Variants in RBMS3 observed in about 807,000 individuals in gnomAD.
RBMS3 encodes the protein RNA binding motif single stranded interacting protein 3.
Under a neutral mutation model 66.8 loss-of-function variants are expected in RBMS3, and 27 were observed. That is an observed-to-expected ratio of 0.40 (90% CI 0.30 to 0.56). The LOEUF is 0.56. Ranked by LOEUF, RBMS3 falls within the 20% of genes least tolerant of loss-of-function variation. The probability of loss-of-function intolerance (pLI) is 0.40; values close to 1 mark genes in which losing one functional copy is unlikely to be tolerated. For synonymous variants in RBMS3, 188 were observed against 183.0 expected, an observed-to-expected ratio of 1.03 and a Z score of -0.22; for missense variants, 513 against 549.5, an observed-to-expected ratio of 0.93 and a Z score of 0.66.
chr3:29,536,227 G>A (rs182334293), intron 3 of RBMS3, among the ~76,000 whole-genome samples: 6 of 152,272 alleles, frequency 3.9e-5, no homozygotes, highest in African/African-American at 1.4e-4. Flanking sequence ...TACAGTAGGA[G>A]CCAAACAGTC....
At chr3:29,807,794 G>A (rs576408464) in intron 6 of RBMS3, among the ~76,000 whole-genome samples, 2 of 124,546 alleles carry the variant, frequency 1.6e-5, no homozygotes, top group South Asian at 4.4e-4. Flanking sequence ...GTGAAGGGGT[G>A]TGTGTGTGTG....
intron 6 of RBMS3, among the ~76,000 whole-genome samples, chr3:29,778,540 A>T (rs1212951311): frequency 6.6e-6 from 1 of 151,802 alleles, no homozygotes; most frequent in African/African-American, 2.4e-5. Context: ...GGGAAAAAGA[A>T]ACTGTTCCAT....
intron 1 of RBMS3, among the ~76,000 whole-genome samples, chr3:29,345,297 T>C (rs1320166482): frequency 6.6e-6 from 1 of 152,224 alleles, no homozygotes; most frequent in Non-Finnish European, 1.5e-5. Context: ...AGACTAAGAA[T>C]GAATAAATTG....
At chr3:29,811,667 A>G (rs1236445798) in intron 6 of RBMS3, among the ~76,000 whole-genome samples, 1 of 152,110 alleles carries the variant, frequency 6.6e-6, no homozygotes, top group Admixed American at 6.5e-5. Flanking sequence ...TAAATTATAC[A>G]TTGCTCAGAT....
intron 6 of RBMS3, among the ~76,000 whole-genome samples, chr3:29,787,932 T>A (rs1239755804): frequency 6.6e-6 from 1 of 152,212 alleles, no homozygotes; most frequent in Non-Finnish European, 1.5e-5. Context: ...TCTTCTAATG[T>A]ACATTTGATT....
At chr3:29,850,918 A>G (rs2058918688) in intron 6 of RBMS3, among the ~76,000 whole-genome samples, 4 of 151,966 alleles carry the variant, frequency 2.6e-5, no homozygotes, top group Admixed American at 2.6e-4. Context: ...CCCCTTTTTC[A>G]TTCATTGCCA....
At position 29,647,921 on chromosome 3, in the gene RBMS3, G is replaced by T. The variant is rs555072779; in HGVS notation, c.399+60716G>T. Among the ~76,000 whole-genome samples the T allele has an allele frequency of 5.9e-4, 90 of 152,178 alleles. No individual in the cohort carries two copies. In the East Asian group the frequency reaches 7.0e-3, roughly 12 times the overall value. On this transcript the variant is annotated intron_variant, in intron 4 of 14. Coordinates refer to ENST00000383767, the MANE Select transcript of RBMS3 (RefSeq NM_001003793.3). ...CATAAGAATGGTTAAGATCTACTGG[G>T]TCTACTGAATGAAAAATCATACAGA...
intron 3 of RBMS3, among the ~76,000 whole-genome samples, chr3:29,549,548 C>A (rs1275529911): frequency 6.6e-6 from 1 of 151,858 alleles, no homozygotes; most frequent in Non-Finnish European, 1.5e-5. Context: ...TATAGGCGCC[C>A]ACCACCATGT....
intron 1 of RBMS3, among the ~76,000 whole-genome samples, chr3:29,420,392 G>C (rs2040661923): frequency 6.6e-6 from 1 of 152,100 alleles, no homozygotes. Flanking sequence ...CATTTAGGAT[G>C]CTGGGCAGTT....
chr3:29,881,084 T>C (rs1307950962), intron 7 of RBMS3, among the ~76,000 whole-genome samples: 1 of 152,054 alleles, frequency 6.6e-6, no homozygotes, highest in African/African-American at 2.4e-5. Flanking sequence ...TATTTCCCAC[T>C]CTCCCCTTTA....
intron 4 of RBMS3, among the ~76,000 whole-genome samples, chr3:29,606,172 G>A (rs1576346387): frequency 6.6e-6 from 1 of 151,740 alleles, no homozygotes; most frequent in Non-Finnish European, 1.5e-5. Context: ...AATAGGGGAT[G>A]GCTGTCTTTT....
At chr3:29,853,086 C>T (rs148887183) in intron 6 of RBMS3, among the ~76,000 whole-genome samples, 1 of 152,254 alleles carries the variant, frequency 6.6e-6, no homozygotes, top group African/African-American at 2.4e-5. Flanking sequence ...CATGTTCTCA[C>T]TTATAAGTGG....
At position 29,936,154 on chromosome 3, in the gene RBMS3, G is replaced by A. The variant is rs1182322086; in HGVS notation, c.1008G>A (p.Leu336=). The A allele has an allele frequency of 2.5e-6, 4 of 1,613,176 alleles. No individual in the cohort carries two copies. The highest frequency in any genetic ancestry group is 1.1e-5 in the South Asian group (1 of 91,012). Residue 336 remains leucine, a synonymous_variant, in exon 11 of 15, where the codon CTG becomes CTA. Coordinates refer to ENST00000383767, the MANE Select transcript of RBMS3 (RefSeq NM_001003793.3). ...AGCCAGCCAACATGATGGGCCCACT[G>A]ACACAGCAGATGAATCACCTTTCGT... is the stretch of plus-strand genomic sequence containing the variant. ...SMQPANMMGP[L]TQQMNHLSLG... is the part of the protein sequence containing the mutation.
At chr3:29,932,661 C>A (rs2061159507) in intron 10 of RBMS3, among the ~76,000 whole-genome samples, 1 of 152,142 alleles carries the variant, frequency 6.6e-6, no homozygotes, top group Non-Finnish European at 1.5e-5. Context: ...GGTAGAGAAG[C>A]CACACATGCT....
intron 6 of RBMS3, among the ~76,000 whole-genome samples, chr3:29,842,650 TG>T (rs1391749768): frequency 6.6e-6 from 1 of 152,194 alleles, no homozygotes; most frequent in Non-Finnish European, 1.5e-5. Flanking sequence ...GTGAATATCT[TG>T]CCTTACTTAG....
At chr3:29,524,415 A>ATCT (rs1367633164) in intron 3 of RBMS3, among the ~76,000 whole-genome samples, 2 of 57,074 alleles carry the variant, frequency 3.5e-5, no homozygotes, top group Non-Finnish European at 6.2e-5. Flanking sequence ...CTCCCTTTAC[A>ATCT]TTTTTTTTTT....
chr3:29,867,172 T>C (rs2059383349), intron 6 of RBMS3, among the ~76,000 whole-genome samples: 3 of 152,074 alleles, frequency 2.0e-5, no homozygotes, highest in Admixed American at 2.0e-4. Context: ...TTGGAAACAA[T>C]TTTGAAATTC....
intron 3 of RBMS3, among the ~76,000 whole-genome samples, chr3:29,489,717 A>T (rs1461564824): frequency 1.4e-5 from 2 of 145,850 alleles, no homozygotes; most frequent in Non-Finnish European, 3.0e-5. Flanking sequence ...TCAGAATGTA[A>T]TTGAGTAGAC....
chr3:29,500,373 G>A (rs2043921401), intron 3 of RBMS3, among the ~76,000 whole-genome samples: 1 of 149,560 alleles, frequency 6.7e-6, no homozygotes, highest in Admixed American at 6.7e-5. Context: ...CTCAATTTCT[G>A]GCTATTGTTT....
Sources: allele counts gnomAD v4.1 joint callset (sites outside exome capture counted in the v4.1 genomes callset), GRCh38; gene constraint gnomAD v4.1.1; transcripts MANE v1.5; gene names NCBI Gene and HGNC (gene_info 2026-07-23, HGNC 2026-07-21).